ADAMTSL1: variants seen among roughly 807,000 people sequenced by gnomAD.
The protein encoded by ADAMTSL1 is ADAMTS like 1, also known as ADAMTS-like protein 1.
In ADAMTSL1, 126 loss-of-function variants were observed where a neutral mutation model predicts 201.8. That is an observed-to-expected ratio of 0.62 (90% CI 0.54 to 0.72). The LOEUF is 0.72. ADAMTSL1 is among the 30% of genes least tolerant of loss of function. The pLI, the probability that ADAMTSL1 is intolerant of heterozygous loss-of-function variation, is 0.00. For synonymous variants in ADAMTSL1, 1,121 were observed against 903.4 expected (o/e 1.24, Z -4.32); for missense variants, 2,679 against 2,277.8 (o/e 1.18, Z -3.59).
At position 18,069,620 on chromosome 9, in the gene ADAMTSL1, C is replaced by T. The variant is rs993720035; in HGVS notation, c.88-94242C>T. Among the ~76,000 whole-genome samples, 5 of 152,152 alleles carry T rather than the reference C, an allele frequency of 3.3e-5. No homozygotes were observed. The East Asian group carries it at 7.7e-4, about 23-fold the overall frequency. ...AAACATATTAACATGTGATTTCACT[C>T]CTAATCTGGGCTTTATTCTTTAGCT... On this transcript the variant is annotated intron_variant, in intron 1 of 29. Coordinates refer to the ADAMTSL1 transcript ENST00000680146.
intron 4 of ADAMTSL1, among the ~76,000 whole-genome samples, chr9:18,598,072 G>C (rs1264704536): frequency 2.0e-5 from 3 of 152,162 alleles, no homozygotes; most frequent in African/African-American, 7.2e-5. Context: ...GAAAAATCTA[G>C]GGAGAATGGC....
intron 2 of ADAMTSL1, among the ~76,000 whole-genome samples, chr9:18,324,323 G>A (rs866400297): frequency 6.6e-6 from 1 of 151,798 alleles, no homozygotes; most frequent in Non-Finnish European, 1.5e-5. Context: ...TGGATGATGG[G>A]CCTAAACCTA....
At chr9:18,023,140 C>CTG (rs1554681191) in intron 1 of ADAMTSL1, among the ~76,000 whole-genome samples, 5 of 150,834 alleles carry the variant, frequency 3.3e-5, no homozygotes, top group African/African-American at 7.3e-5. Context: ...GAATTATTTA[C>CTG]TATATATATG....
intron 1 of ADAMTSL1, among the ~76,000 whole-genome samples, chr9:18,048,911 G>T (rs142395685): frequency 2.5e-4 from 38 of 152,276 alleles, no homozygotes; most frequent in African/African-American, 8.9e-4. Flanking sequence ...AGTTCAGGGG[G>T]CCAGAAATCC....
chr9:18,620,459 C>A (rs1326831934), intron 4 of ADAMTSL1, among the ~76,000 whole-genome samples: 1 of 152,128 alleles, frequency 6.6e-6, no homozygotes, highest in African/African-American at 2.4e-5. Context: ...TAAATGAATT[C>A]TTTTATAAAT....
intron 1 of ADAMTSL1, among the ~76,000 whole-genome samples, chr9:17,935,260 T>C (rs1826957790): frequency 6.6e-6 from 1 of 152,082 alleles, no homozygotes. Flanking sequence ...ACACCCTCCT[T>C]TCCTCCTGCC....
chr9:18,896,308 AAGC>A (rs1192588309), intron 26 of ADAMTSL1, among the ~76,000 whole-genome samples: 8 of 152,156 alleles, frequency 5.3e-5, no homozygotes, highest in African/African-American at 1.4e-4. Context: ...GGAATCTTGA[AAGC>A]AGCAAGAAAA....
At chr9:18,118,762 A>G (rs896947470) in intron 1 of ADAMTSL1, among the ~76,000 whole-genome samples, 1 of 152,182 alleles carries the variant, frequency 6.6e-6, no homozygotes, top group Non-Finnish European at 1.5e-5. Flanking sequence ...GAGTAGAGCC[A>G]ATTGCTTATA....
chr9:17,977,079 A>G (rs1380466246), intron 1 of ADAMTSL1, among the ~76,000 whole-genome samples: 2 of 152,014 alleles, frequency 1.3e-5, no homozygotes, highest in African/African-American at 2.4e-5. Flanking sequence ...TTATTGAATA[A>G]TCTTATGATC....
chr9:17,962,826 G>A (rs1481951488), intron 1 of ADAMTSL1, among the ~76,000 whole-genome samples: 1 of 152,246 alleles, frequency 6.6e-6, no homozygotes, highest in Admixed American at 6.5e-5. Flanking sequence ...TGCACAGCGT[G>A]CAGTTATTTC....
intron 1 of ADAMTSL1, among the ~76,000 whole-genome samples, chr9:18,064,410 T>G (rs115513143): frequency 4.9e-4 from 75 of 152,324 alleles, no homozygotes; most frequent in African/African-American, 1.7e-3. Context: ...TTCTGGCTGT[T>G]TCTTTTGCTA....
chr9:18,796,345 T>C (rs544257089), intron 20 of ADAMTSL1, among the ~76,000 whole-genome samples: 2 of 152,302 alleles, frequency 1.3e-5, no homozygotes, highest in South Asian at 2.1e-4. Flanking sequence ...TTGTTCTCCC[T>C]ACTTCCCCAC....
intron 2 of ADAMTSL1, among the ~76,000 whole-genome samples, chr9:18,282,883 G>A (rs1563856416): frequency 6.6e-6 from 1 of 152,184 alleles, no homozygotes; most frequent in Non-Finnish European, 1.5e-5. Flanking sequence ...GGCAACAAGA[G>A]TGAAACTCCG....
chr9:18,636,157 TA>T (rs1222884134), intron 6 of ADAMTSL1, 140 bp downstream of exon 6: 1 of 709,486 alleles, frequency 1.4e-6, no homozygotes, highest in Non-Finnish European at 2.2e-6. Flanking sequence ...TACCTCTGTT[TA>T]TCTTTTAGCT....
chr9:18,285,637 G>C (rs932722912), intron 2 of ADAMTSL1, among the ~76,000 whole-genome samples: 2 of 151,858 alleles, frequency 1.3e-5, no homozygotes, highest in Non-Finnish European at 1.5e-5. Context: ...TTGTGGCGGG[G>C]TGTTGACACT....
intron 2 of ADAMTSL1, among the ~76,000 whole-genome samples, chr9:18,348,834 T>G (rs911508028): frequency 7.5e-4 from 114 of 152,322 alleles, no homozygotes; most frequent in African/African-American, 2.2e-3. Flanking sequence ...AATGATTTTA[T>G]AGTGATATAA....
chr9:18,721,724 T>G, intron 15 of ADAMTSL1, 59 bp downstream of exon 15: 1 of 1,575,134 alleles, frequency 6.3e-7, no homozygotes, highest in Non-Finnish European at 8.6e-7. Context: ...GGGCGCATCT[T>G]TCAGTGGGCA....
chr9:18,220,445 T>C (rs974964110), intron 2 of ADAMTSL1, among the ~76,000 whole-genome samples: 5 of 152,286 alleles, frequency 3.3e-5, no homozygotes, highest in Middle Eastern at 3.4e-3. Context: ...ATACAAACTT[T>C]TTATTGTCAT....
At chr9:18,523,544 A>C (rs1273423680) in intron 2 of ADAMTSL1, among the ~76,000 whole-genome samples, 1 of 152,082 alleles carries the variant, frequency 6.6e-6, no homozygotes, top group African/African-American at 2.4e-5. Context: ...GGTATTGCCT[A>C]GGTTTTCTTC....
Sources: allele counts gnomAD v4.1 joint callset (sites outside exome capture counted in the v4.1 genomes callset), GRCh38; gene constraint gnomAD v4.1.1; transcripts MANE v1.5; gene names NCBI Gene and HGNC (gene_info 2026-07-23, HGNC 2026-07-21).